The following PANK2 variants were observed in gnomAD, a reference collection of about 807,000 sequenced individuals.
The protein encoded by PANK2 is pantothenate kinase 2, mitochondrial.
In PANK2, 36 loss-of-function variants were observed where a neutral mutation model predicts 43.1. The observed-to-expected ratio is 0.84, with a 90% CI of 0.64 to 1.10. PANK2 has a LOEUF of 1.10. Among genes scored for constraint, PANK2 ranks in the 50% least tolerant of loss-of-function variants. The pLI is 0.00. For synonymous variants in PANK2, 281 were observed against 238.2 expected (o/e 1.18, Z -1.66); for missense variants, 576 against 593.3 (o/e 0.97, Z 0.30).
chr20:3,909,534 A>G (rs748127559), intron 2 of PANK2, among the ~76,000 whole-genome samples: 7 of 151,504 alleles, frequency 4.6e-5, no homozygotes, highest in African/African-American at 9.7e-5. Context: ...CCTGGCCTCA[A>G]CTTTTTGACT....
chr20:3,917,312 TC>T (rs1172897655), intron 5 of PANK2, among the ~76,000 whole-genome samples: 1 of 152,162 alleles, frequency 6.6e-6, no homozygotes, highest in Non-Finnish European at 1.5e-5. Context: ...TAGCCAGTGT[TC>T]CAGATATTGG....
chr20:3,902,083 G>A (rs2090310949), intron 1 of PANK2, among the ~76,000 whole-genome samples: 1 of 151,658 alleles, frequency 6.6e-6, no homozygotes, highest in South Asian at 2.1e-4. Context: ...CTGATGATTG[G>A]TGTCTTCCCT....
chr20:3,889,996 G>C (rs2090093449), intron 1 of PANK2: 4 of 1,345,864 alleles, frequency 3.0e-6, no homozygotes, highest in Admixed American at 4.5e-5. Flanking sequence ...CCTTTTCTTA[G>C]CTCCTTGGGC....
In PANK2 at chr20:3,892,394, A is replaced by G. The variant is rs114454040; in HGVS notation, c.298+2666A>G. Reference sequence around the variant, plus strand: ...AGCTTGTTGACTGCCGAACCCTCCTAGAGTATACTTCAGTCTTATCTCTGA... The same window carrying G: ...AGCTTGTTGACTGCCGAACCCTCCTGGAGTATACTTCAGTCTTATCTCTGA... On this transcript the variant is annotated intron_variant, in intron 1 of 6. Transcript: ENST00000610179. 5.1e-3 allele frequency among the ~76,000 whole-genome samples: 771 copies of G among 151,906 alleles called. 5 individuals carry two copies. Among genetic ancestry groups the G allele is most frequent in the African/African-American group, 0.018 (747 of 41,428 alleles).
chr20:3,908,144 C>T lies in PANK2; in HGVS notation c.517C>T (p.His173Tyr). The stretch of plus-strand genomic sequence containing the variant: ...TCTGTGTGGACGCAAAGGCAATCTG[C>T]ACTTTATACGCTTTCCCACTCATGA... Residue 173 changes from histidine (H) to tyrosine (Y), a missense_variant, in exon 2 of 7, where the codon CAC (histidine) becomes TAC (tyrosine). Coordinates refer to ENST00000610179, the MANE Select transcript of PANK2 (RefSeq NM_001386393.1). 2.5e-6 allele frequency: 4 copies of T among 1,614,170 alleles called. No homozygotes were observed. The South Asian group carries it at 3.3e-5, about 13-fold the overall frequency.
chr20:3,889,645 C>A lies in PANK2; in HGVS notation c.215C>A (p.Thr72Lys), dbSNP rs755932521. The change falls in exon 1 of 7, where the codon ACG (threonine) becomes AAG (lysine). Residue 72 changes from threonine to lysine, a missense_variant. Physicochemically the swap from Thr to Lys is moderately conservative, Grantham distance 78. Around this residue, in one of 2 missense-constraint regions of PANK2, gnomAD observed 544 missense variants for 528.9 expected, o/e 1.03. Coordinates refer to ENST00000610179, the MANE Select transcript of PANK2 (RefSeq NM_001386393.1). The stretch of plus-strand genomic sequence containing the variant: ...GCGGTCGGGGCCTCGGCTGAGGGCA[C>A]GAGGCGGGATCGACTGGGCTCTTAC... The A allele has an allele frequency of 2.1e-5, 33 of 1,581,206 alleles. 1 individual carries two copies. Among genetic ancestry groups the A allele is most frequent in the Non-Finnish European group, 2.6e-5 (30 of 1,172,362 alleles).
chr20:3,898,114 T>C (rs2090239893), intron 1 of PANK2, among the ~76,000 whole-genome samples: 1 of 152,254 alleles, frequency 6.6e-6, no homozygotes, highest in African/African-American at 2.4e-5. Flanking sequence ...GAATTTCTAA[T>C]GTAAAAGCCA....
In PANK2 at chr20:3,908,210, T is replaced by C; in HGVS notation, c.583T>C (p.Ser195Pro). ...TCAAATGGGCAGAGATAAAAACTTC[T>C]CGAGTCTCCACACTGTCTTTTGTGC... The change falls in exon 2 of 7, where the codon TCG becomes CCG. Residue 195 changes from serine to proline, a missense_variant. This residue lies in a region of PANK2 where 544 missense variants were observed against 528.9 expected (regional missense o/e 1.03). Transcript: ENST00000610179. 6.2e-7 allele frequency: 1 copy of C among 1,613,790 alleles called. No individual in the cohort carries two copies. Among genetic ancestry groups the C allele is most frequent in the East Asian group, 2.2e-5 (1 of 44,896 alleles).
In PANK2 at chr20:3,923,435, A is replaced by C; in HGVS notation, c.*141A>C. On this transcript the variant is annotated 3_prime_UTR_variant, in exon 7 of 7. Transcript: ENST00000610179. ...ACAGGTGTATTTTTCTAAGTCATCA[A>C]GATAAATCCTTAAGAATTCAGTCTA... is the stretch of plus-strand genomic sequence containing the variant. 1 of 908,550 alleles carries C rather than the reference A, an allele frequency of 1.1e-6. No individual in the cohort carries two copies. Among genetic ancestry groups the C allele is most frequent in the South Asian group, 1.5e-5 (1 of 66,998 alleles). The allele number at this position is 908,550 out of a possible 1,614,324, so 56.3% of individuals were successfully genotyped here. A position where few individuals can be genotyped will look rare whatever the true frequency, so the allele number is the denominator to read the frequency against.
chr20:3,898,309 C>T (rs1354267632), intron 1 of PANK2, among the ~76,000 whole-genome samples: 1 of 152,044 alleles, frequency 6.6e-6, no homozygotes, highest in Non-Finnish European at 1.5e-5. Context: ...AAGCAATTCT[C>T]CTGCCTCAGC....
At chr20:3,910,857 T>A in intron 3 of PANK2, 27 bp downstream of exon 3, 1 of 1,613,510 alleles carries the variant, frequency 6.2e-7, no homozygotes, top group South Asian at 1.1e-5. Flanking sequence ...ACTCACTGTT[T>A]ATTCTTAGTA....
intron 1 of PANK2, among the ~76,000 whole-genome samples, chr20:3,890,214 C>T (rs534072097): frequency 2.2e-4 from 33 of 152,176 alleles, no homozygotes; most frequent in Non-Finnish European, 4.1e-4. Flanking sequence ...TTGCACCAGG[C>T]CTGAAACTGT....
chr20:3,918,249 T>G (rs16989042), intron 5 of PANK2, among the ~76,000 whole-genome samples: 291 of 152,290 alleles, frequency 1.9e-3, no homozygotes, highest in African/African-American at 6.5e-3. Context: ...GGTTAATAGG[T>G]CTAAAATTTT....
intron 1 of PANK2, among the ~76,000 whole-genome samples, chr20:3,901,150 G>A (rs2090294456): frequency 6.6e-6 from 1 of 151,832 alleles, no homozygotes; most frequent in African/African-American, 2.4e-5. Context: ...TCAAACTCTT[G>A]GGCTCAAGCG....
intron 1 of PANK2, among the ~76,000 whole-genome samples, chr20:3,896,016 T>C (rs1337554998): frequency 1.3e-5 from 2 of 152,064 alleles, no homozygotes; most frequent in East Asian, 1.9e-4. Flanking sequence ...AAAAGTGTAG[T>C]TCATAATATT....
Position 3,923,835 on chromosome 20 carries a change from C to T in PANK2, c.*541C>T, listed in dbSNP as rs886056655. ...GGTTAATTGTGTACCTGAAACTTAA[C>T]AAGCAGTTTTTGGAAGGGCAGTTCC... is the stretch of plus-strand genomic sequence containing the variant. On this transcript the variant is annotated 3_prime_UTR_variant, in exon 7 of 7. Coordinates refer to ENST00000610179, the MANE Select transcript of PANK2 (RefSeq NM_001386393.1). 5.2e-4 allele frequency: 81 copies of T among 156,698 alleles called. 1 individual carries two copies. The highest frequency in any genetic ancestry group is 3.4e-3 in the Middle Eastern group (1 of 296). 9.7% of individuals were successfully genotyped at this position (156,698 alleles called of 1,614,324 possible). A position where few individuals can be genotyped will look rare whatever the true frequency, so the allele number is the denominator to read the frequency against.
At position 3,929,464 on chromosome 20, in the gene PANK2, A is replaced by C. The variant is rs1038585383; in HGVS notation, c.*6170A>C. The C allele has an allele frequency of 1.3e-5, 2 of 152,306 alleles. No individual in the cohort carries two copies. Among genetic ancestry groups the C allele is most frequent in the African/African-American group, 4.8e-5 (2 of 41,472 alleles). 9.4% of individuals were successfully genotyped at this position (152,306 alleles called of 1,614,324 possible). ...TGACGCTGGACATTCAGGCATATCC[A>C]CATGAGACTCACTGTGCACTTGCTC... On this transcript the variant is annotated 3_prime_UTR_variant, in exon 7 of 7. Transcript: ENST00000610179.
At chr20:3,900,115 T>G (rs1336050183) in intron 1 of PANK2, among the ~76,000 whole-genome samples, 1 of 151,980 alleles carries the variant, frequency 6.6e-6, no homozygotes, top group Non-Finnish European at 1.5e-5. Flanking sequence ...CTGTTAACAT[T>G]TGCTTGATAC....
chr20:3,897,353 T>C (rs747020627), intron 1 of PANK2, among the ~76,000 whole-genome samples: 36 of 152,126 alleles, frequency 2.4e-4, no homozygotes, highest in Non-Finnish European at 5.0e-4. Context: ...GACTGAAATA[T>C]CTGAAAATTA....
Sources: gnomAD v4.1 joint callset for allele counts (sites outside exome capture counted in the v4.1 genomes callset) on GRCh38, gnomAD v4.1.1 for gene constraint, gnomAD v4.1.1 regional missense constraint, MANE v1.5 for transcripts, NCBI Gene and HGNC (gene_info 2026-07-23, HGNC 2026-07-21) for gene names.